The following STEEP1 variants were observed in gnomAD, a reference collection of about 807,000 sequenced individuals.
STEEP1 encodes the protein STING ER exit protein.
STEEP1 carries 3 observed loss-of-function variants against 19.2 expected under a neutral mutation model. The ratio of observed to expected loss-of-function variants is 0.16; its 90% CI spans 0.07 to 0.40. STEEP1 has a LOEUF of 0.40. STEEP1 is among the 10% of genes least tolerant of loss of function. The pLI is 0.99. For synonymous variants in STEEP1, 46 were observed against 63.7 expected, an observed-to-expected ratio of 0.72 and a Z score of 1.32; for missense variants, 54 against 177.1, an observed-to-expected ratio of 0.30 and a Z score of 3.94.
intron 6 of STEEP1, among the ~76,000 whole-genome samples, chrX:119,540,258 A>G (rs1333952193): frequency 8.9e-6 from 1 of 112,549 alleles, no homozygotes; most frequent in African/African-American, 3.2e-5. Flanking sequence ...CACAATAGTA[A>G]TTTTTAAAAT....
chrX:119,539,603 A>G lies in STEEP1; in HGVS notation c.*124T>C. The G allele has an allele frequency of 2.0e-6, 1 of 493,034 alleles. No homozygotes were observed. Among genetic ancestry groups the G allele is most frequent in the East Asian group, 3.5e-5 (1 of 28,563 alleles). 40.6% of individuals were successfully genotyped at this position (493,034 alleles called of 1,213,427 possible). The stretch of plus-strand genomic sequence containing the variant: ...AGACCTCACTGAATGTAGGAGAATC[A>G]ATGGGAAACAACGTAAAGCCTTCTG... On this transcript the variant is annotated 3_prime_UTR_variant, in exon 7 of 7. Coordinates refer to ENST00000644802, the MANE Select transcript of STEEP1 (RefSeq NM_022101.4).
rs1421800017 is a variant in STEEP1, at chrX:119,563,548, CAAAAAAAAAAAGA to C, written c.124+1671_124+1683del. Among the ~76,000 whole-genome samples, 4 of 55,173 alleles carry C rather than the reference CAAAAAAAAAAAGA, an allele frequency of 7.2e-5. No individual in the cohort carries two copies. In the East Asian group the frequency reaches 2.4e-3, roughly 33 times the overall value. 47.9% of individuals were successfully genotyped at this position (55,173 alleles called of 115,157 possible). ...GGGCAAGAAGAGCGAAACTCCATCT[CAAAAAAAAAAAGA>C]AAAAAAAAAAAACTAGCCGGGCCTG... On this transcript the variant is annotated intron_variant, in intron 1 of 6. Transcript: ENST00000644802.
At chrX:119,565,004 T>C (rs1480972672) in intron 1 of STEEP1, 4 of 337,247 alleles carry the variant, frequency 1.2e-5, no homozygotes, top group Non-Finnish European at 2.0e-5. Flanking sequence ...TGAAGGAGTT[T>C]AGTTTTGAGG....
chrX:119,545,587 G>A (rs1012079852), intron 2 of STEEP1, 83 bp from the exon 3 acceptor site: 41 of 682,277 alleles, frequency 6.0e-5, no homozygotes, highest in Non-Finnish European at 8.6e-5. Flanking sequence ...CAAACGCTAA[G>A]AGGCCCTTTC....
chrX:119,545,501 A>G lies in STEEP1; in HGVS notation c.246T>C (p.Pro82=). The G allele has an allele frequency of 8.6e-7, 1 of 1,158,181 alleles. No homozygotes were observed. The highest frequency in any genetic ancestry group is 1.2e-6 in the Non-Finnish European group (1 of 847,677). Residue 82 remains proline, a synonymous_variant, in exon 3 of 7, where the codon CCT becomes CCC. Coordinates refer to ENST00000644802, the MANE Select transcript of STEEP1 (RefSeq NM_022101.4). ...TCCTGTACTGTCGTTCAATGCCTTC[A>G]GGTCTGCACAGAAAATGGAAGTTAA... ...EDEETMYLRR[P]EGIERQYRKK...
chrX:119,564,312 T>C (rs1273662861), intron 1 of STEEP1, among the ~76,000 whole-genome samples: 1 of 110,415 alleles, frequency 9.1e-6, no homozygotes, highest in Non-Finnish European at 1.9e-5. Flanking sequence ...CTGGCCAACG[T>C]AGTGAAACCC....
At chrX:119,562,591 T>TCGGGAGGCTGATG (rs202142057) in intron 1 of STEEP1, among the ~76,000 whole-genome samples, 5 of 99,251 alleles carry the variant, frequency 5.0e-5, no homozygotes, top group Admixed American at 1.1e-4. Flanking sequence ...TCCCAGCTAC[T>TCGGGAGGCTGATG]CAAGAGAATC....
intron 2 of STEEP1, among the ~76,000 whole-genome samples, chrX:119,552,413 C>T (rs1183689931): frequency 8.9e-6 from 1 of 112,545 alleles, no homozygotes; most frequent in Admixed American, 9.4e-5. Context: ...GATTACTTTG[C>T]TAGTGCAGCT....
At chrX:119,543,834 A>G (rs1161401062) in intron 4 of STEEP1, among the ~76,000 whole-genome samples, 1 of 112,199 alleles carries the variant, frequency 8.9e-6, no homozygotes, top group Non-Finnish European at 1.9e-5. Context: ...GTTCAAAAAA[A>G]AATTTGTAAA....
chrX:119,554,721 T>A (rs2053266941), intron 2 of STEEP1, among the ~76,000 whole-genome samples: 1 of 111,621 alleles, frequency 9.0e-6, no homozygotes, highest in Admixed American at 9.6e-5. Flanking sequence ...TATGGAAAGA[T>A]CCCTGTGTTG....
intron 2 of STEEP1, among the ~76,000 whole-genome samples, chrX:119,556,551 C>T: frequency 9.8e-6 from 1 of 102,233 alleles, no homozygotes; most frequent in East Asian, 3.1e-4. Context: ...CCACTGCACT[C>T]CAGCCTGGGT....
chrX:119,539,798 A>C lies in STEEP1; in HGVS notation c.607-9T>G, dbSNP rs1396265345. 1 of 1,167,712 alleles carries C rather than the reference A, an allele frequency of 8.6e-7. No homozygotes were observed. The highest frequency in any genetic ancestry group is 1.2e-6 in the Non-Finnish European group (1 of 862,328). On this transcript the variant is annotated splice_polypyrimidine_tract_variant and intron_variant, in intron 6 of 6. Coordinates refer to ENST00000644802, the MANE Select transcript of STEEP1 (RefSeq NM_022101.4). The stretch of plus-strand genomic sequence containing the variant: ...TTGGCTTCCAATTCAGCCTAGAAAG[A>C]AAAAAAAAGCATATGTCTTGATACA...
chrX:119,542,364 C>G, intron 5 of STEEP1, 141 bp downstream of exon 5: 1 of 449,258 alleles, frequency 2.2e-6, no homozygotes, highest in South Asian at 3.8e-5. Flanking sequence ...CCACACCCAG[C>G]CCATAGTTTC....
chrX:119,563,699 G>A (rs886949581), intron 1 of STEEP1, among the ~76,000 whole-genome samples: 2 of 111,488 alleles, frequency 1.8e-5, no homozygotes, highest in African/African-American at 6.5e-5. Context: ...GACAGAGTGA[G>A]ACTCCCTCTG....
intron 2 of STEEP1, among the ~76,000 whole-genome samples, chrX:119,554,446 AG>A (rs2053265072): frequency 9.0e-6 from 1 of 111,296 alleles, no homozygotes; most frequent in African/African-American, 3.3e-5. Flanking sequence ...CTTCATCTCA[AG>A]AAAAAAAATT....
At chrX:119,548,956 T>C (rs928951378) in intron 2 of STEEP1, among the ~76,000 whole-genome samples, 2 of 112,140 alleles carry the variant, frequency 1.8e-5, no homozygotes, top group Non-Finnish European at 3.8e-5. Flanking sequence ...GACATTATGC[T>C]AAATGAAATA....
At chrX:119,564,972 T>C (rs2053346793) in intron 1 of STEEP1, among the ~76,000 whole-genome samples, 1 of 110,954 alleles carries the variant, frequency 9.0e-6, no homozygotes, top group African/African-American at 3.3e-5. Flanking sequence ...ACAATATGTT[T>C]GTGTTTCTAT....
At chrX:119,558,638 G>A (rs34921270) in intron 2 of STEEP1, among the ~76,000 whole-genome samples, 8,029 of 111,338 alleles carry the variant, frequency 0.072, 351 homozygotes, top group African/African-American at 0.16. Context: ...TTGCATGAAT[G>A]GATGGATTTT....
chrX:119,544,629 A>C, intron 3 of STEEP1, 138 bp from the exon 4 acceptor site: 2 of 573,083 alleles, frequency 3.5e-6, no homozygotes, highest in South Asian at 6.2e-5. Context: ...GTGTCTCCCA[A>C]AACTACCTCT....
Sources: gnomAD v4.1 joint callset for allele counts (sites outside exome capture counted in the v4.1 genomes callset) on GRCh38, gnomAD v4.1.1 for gene constraint, MANE v1.5 for transcripts, NCBI Gene and HGNC (gene_info 2026-07-23, HGNC 2026-07-21) for gene names.